The following USP32 variants were observed in gnomAD, a reference collection of about 807,000 sequenced individuals.
USP32 encodes ubiquitin specific peptidase 32, also known as ubiquitin carboxyl-terminal hydrolase 32.
Under a neutral mutation model 204.8 loss-of-function variants are expected in USP32, and 59 were observed. The observed-to-expected ratio is 0.29, with a 90% confidence interval of 0.23 to 0.36. The LOEUF is 0.36. Ranked by LOEUF, USP32 falls within the 10% of genes least tolerant of loss-of-function variation. USP32 has a pLI of 1.00. For missense variants in USP32, 1,160 were observed against 1,946.4 expected (o/e 0.60, Z 7.60); for synonymous variants, 517 against 678.4 (o/e 0.76, Z 3.70).
intron 1 of USP32, among the ~76,000 whole-genome samples, chr17:60,356,836 G>C (rs1256826934): frequency 6.6e-6 from 1 of 151,972 alleles, no homozygotes; most frequent in Non-Finnish European, 1.5e-5. Flanking sequence ...GGCAAGTCCA[G>C]ACATTTGATT....
rs780643196 is a variant in USP32, at chr17:60,301,646, A to C, written c.245T>G (p.Val82Gly). 3 of 1,597,102 alleles carry C rather than the reference A, an allele frequency of 1.9e-6. No individual in the cohort carries two copies. Among genetic ancestry groups the C allele is most frequent in the East Asian group, 2.3e-5 (1 of 44,188 alleles). ...GCCTCTTGTAAGGAGGACAAGTCCAACTATTAAATTATTGAAGTGCAGCCC... is the reference window on the plus strand; with the variant it reads ...GCCTCTTGTAAGGAGGACAAGTCCACCTATTAAATTATTGAAGTGCAGCCC... ...SKGLHFNNLI[V>G]GLVLLTRGKD... Residue 82 changes from valine to glycine, a missense_variant, in exon 3 of 34, where the codon GTT becomes GGT. Val to Gly is a moderately radical substitution (Grantham distance 109). Transcript: ENST00000300896.
chr17:60,396,568 C>G (rs1395656229), upstream of USP32, among the ~76,000 whole-genome samples: 1 of 152,156 alleles, frequency 6.6e-6, no homozygotes, highest in African/African-American at 2.4e-5. Context: ...AGCTCACACC[C>G]GAACTGTAAT....
intron 2 of USP32, among the ~76,000 whole-genome samples, chr17:60,307,643 A>G (rs999437590): frequency 6.6e-6 from 1 of 152,084 alleles, no homozygotes; most frequent in African/African-American, 2.4e-5. Context: ...CATGGTACTG[A>G]TACAGGAGCA....
intron 32 of USP32, 109 bp from the exon 33 acceptor site, chr17:60,180,746 G>A (rs1456227380): frequency 3.5e-6 from 4 of 1,138,876 alleles, no homozygotes; most frequent in South Asian, 3.1e-5. Context: ...TGATCAGTAG[G>A]TGAAAAAATA....
chr17:60,271,698 G>T (rs2086727849), intron 5 of USP32, among the ~76,000 whole-genome samples: 1 of 151,802 alleles, frequency 6.6e-6, no homozygotes, highest in Admixed American at 6.6e-5. Flanking sequence ...ACAGAAAAAA[G>T]AAATCTACAA....
In USP32 at chr17:60,301,691, G is replaced by A. The variant is rs2145891006; in HGVS notation, c.200C>T (p.Ser67Phe). Reference sequence around the variant, plus strand: ...CAGCCCTTTGGATGTTCCACCAAAAGAACAGTAAATCACCTGGAAAAAGAT... The same window carrying A: ...CAGCCCTTTGGATGTTCCACCAAAAAAACAGTAAATCACCTGGAAAAAGAT... ...PPKVAEVIYCSFGGTSKGLHF... is the reference protein window; with the variant it reads ...PPKVAEVIYCFFGGTSKGLHF... The change falls in exon 3 of 34, where the codon TCT becomes TTT. Residue 67 changes from serine to phenylalanine, a missense_variant. Physicochemically the swap from Ser to Phe is radical, Grantham distance 155 (BLOSUM62 -2). This residue lies in a region of USP32 where 536 missense variants were observed against 680.9 expected (regional missense o/e 0.79). Coordinates refer to ENST00000300896, the MANE Select transcript of USP32 (RefSeq NM_032582.4). The A allele has an allele frequency of 6.3e-7, 1 of 1,597,828 alleles. No individual in the cohort carries two copies. The highest frequency in any genetic ancestry group is 8.5e-7 in the Non-Finnish European group (1 of 1,175,620).
intron 2 of USP32, among the ~76,000 whole-genome samples, chr17:60,332,916 A>G (rs1460286891): frequency 6.6e-6 from 1 of 152,236 alleles, no homozygotes; most frequent in Non-Finnish European, 1.5e-5. Flanking sequence ...AATTTTACAA[A>G]GAAGTAAAAA....
At chr17:60,274,956 T>C (rs556642349) in intron 5 of USP32, among the ~76,000 whole-genome samples, 52 of 152,300 alleles carry the variant, frequency 3.4e-4, no homozygotes, top group African/African-American at 1.2e-3. Context: ...TACTCCTCTA[T>C]CCCTCTTCCC....
At chr17:60,401,233 G>C (rs551754275) in intron 1 of USP32, among the ~76,000 whole-genome samples, 1 of 151,710 alleles carries the variant, frequency 6.6e-6, no homozygotes, top group Non-Finnish European at 1.5e-5. Context: ...AGGTGGGCGT[G>C]GTGGTGGGCG....
In USP32 at chr17:60,177,585, C is replaced by T. The variant is rs1386008904; in HGVS notation, c.*1670G>A. Among the ~76,000 whole-genome samples, 2 of 152,162 alleles carry T rather than the reference C, an allele frequency of 1.3e-5. No individual in the cohort carries two copies. Among genetic ancestry groups the T allele is most frequent in the African/African-American group, 2.4e-5 (1 of 41,434 alleles). On this transcript the variant is annotated 3_prime_UTR_variant, in exon 34 of 34. Transcript: ENST00000300896. ...CTGTAAAGAAATTATTTAAAATCTT[C>T]CACTTTTTAATGGGAATGGACAGAT...
intron 1 of USP32, among the ~76,000 whole-genome samples, chr17:60,354,768 C>T (rs972802052): frequency 1.6e-4 from 25 of 152,064 alleles, no homozygotes; most frequent in Admixed American, 1.4e-3. Context: ...GATATAAGGC[C>T]AGGTGTGTGG....
intron 1 of USP32, among the ~76,000 whole-genome samples, chr17:60,385,965 C>T (rs1390322401): frequency 6.6e-6 from 1 of 151,850 alleles, no homozygotes; most frequent in East Asian, 1.9e-4. Flanking sequence ...TGAATAGATA[C>T]ATCTTAGGAT....
At chr17:60,203,719 G>A (rs145115039) in intron 26 of USP32, among the ~76,000 whole-genome samples, 9,321 of 152,074 alleles carry the variant, frequency 0.061, 313 homozygotes, top group East Asian at 0.087. Flanking sequence ...TAGGACTACC[G>A]GCGTGTGCCA....
intron 1 of USP32, among the ~76,000 whole-genome samples, chr17:60,412,994 C>G (rs937272927): frequency 2.0e-5 from 3 of 152,002 alleles, no homozygotes; most frequent in East Asian, 3.8e-4. Flanking sequence ...ATTTTGATAC[C>G]CTGACAAGAT....
intron 1 of USP32, among the ~76,000 whole-genome samples, chr17:60,352,370 T>C (rs568989730): frequency 3.8e-4 from 58 of 152,134 alleles, no homozygotes; most frequent in Non-Finnish European, 6.9e-4. Flanking sequence ...TTATAAGCCA[T>C]ACAGTAAGGA....
intron 12 of USP32, among the ~76,000 whole-genome samples, chr17:60,232,168 CTTT>C (rs58707657): frequency 9.1e-6 from 1 of 109,528 alleles, no homozygotes; most frequent in Non-Finnish European, 1.9e-5. Flanking sequence ...TTTTCTTTTT[CTTT>C]TTTTTTTTTT....
chr17:60,265,934 T>G, intron 8 of USP32, 42 bp downstream of exon 8: 1 of 1,460,486 alleles, frequency 6.8e-7, no homozygotes, highest in Non-Finnish European at 9.5e-7. Flanking sequence ...AATTTCCCAT[T>G]GGAAGTTTAT....
intron 11 of USP32, among the ~76,000 whole-genome samples, chr17:60,238,823 T>A (rs1401259942): frequency 7.2e-6 from 1 of 139,218 alleles, no homozygotes; most frequent in Non-Finnish European, 1.6e-5. Context: ...AAAAAAAAAA[T>A]TAGCTGGTTG....
At position 60,385,056 on chromosome 17, in the gene USP32, T is replaced by C. The variant is rs188122288; in HGVS notation, c.58+6826A>G. Among the ~76,000 whole-genome samples, 345 of 152,280 alleles carry C rather than the reference T, an allele frequency of 2.3e-3. 6 individuals are homozygous for C. Among genetic ancestry groups the C allele is most frequent in the Non-Finnish European group, 2.2e-4 (15 of 68,016 alleles). Reference sequence around the variant, plus strand: ...CAGATGGCCTGAAGCAACTGAAGAATCACAAAAGAAGTGAAAATGGCAGGT... The same window carrying C: ...CAGATGGCCTGAAGCAACTGAAGAACCACAAAAGAAGTGAAAATGGCAGGT... On this transcript the variant is annotated intron_variant, in intron 1 of 33. Transcript: ENST00000300896.
Sources: gnomAD v4.1 joint callset for allele counts (sites outside exome capture counted in the v4.1 genomes callset) on GRCh38, gnomAD v4.1.1 for gene constraint, gnomAD v4.1.1 regional missense constraint, MANE v1.5 for transcripts, NCBI Gene and HGNC (gene_info 2026-07-23, HGNC 2026-07-21) for gene names.